The following SLIT2 variants were observed in gnomAD, a reference collection of about 807,000 sequenced individuals.
The protein encoded by SLIT2 is slit homolog 2 protein.
A neutral mutation model predicts 185.7 loss-of-function variants in SLIT2; 41 were observed. The observed-to-expected ratio is 0.22, with a 90% confidence interval of 0.17 to 0.29. The LOEUF (loss-of-function observed/expected upper bound fraction) is 0.29, where lower values mean the gene tolerates loss of function less well. SLIT2 is among the 10% of genes least tolerant of loss of function. The pLI is 1.00. For synonymous variants in SLIT2, 693 were observed against 680.2 expected (o/e 1.02, Z -0.29); for missense variants, 1,571 against 1,909.0 (o/e 0.82, Z 3.30).
Position 20,323,763 on chromosome 4 carries a change from G to T in SLIT2, c.395+54882G>T, listed in dbSNP as rs75680802. On this transcript the variant is annotated intron_variant, in intron 4 of 36. Coordinates refer to ENST00000504154, the MANE Select transcript of SLIT2 (RefSeq NM_004787.4). ...CTGGCATAGGAAAAAACAGAAACTT[G>T]TATAAGCTAAATCAAGTTATGTCAC... Among the ~76,000 whole-genome samples the T allele has an allele frequency of 5.0e-3, 760 of 152,222 alleles. 6 individuals carry two copies. Among genetic ancestry groups the T allele is most frequent in the African/African-American group, 0.017 (721 of 41,530 alleles).
intron 4 of SLIT2, among the ~76,000 whole-genome samples, chr4:20,334,996 C>A (rs1720376379): frequency 6.6e-6 from 1 of 152,124 alleles, no homozygotes. Flanking sequence ...AGTGTCATCA[C>A]CAGTTAAATA....
intron 3 of SLIT2, 100 bp downstream of exon 3, chr4:20,258,039 GA>G: frequency 1.7e-6 from 1 of 603,784 alleles, no homozygotes; most frequent in Non-Finnish European, 2.9e-6. Flanking sequence ...CTTAGGGTTT[GA>G]AATTTTGCAG....
chr4:20,284,538 C>T (rs1365591468), intron 4 of SLIT2, among the ~76,000 whole-genome samples: 1 of 152,176 alleles, frequency 6.6e-6, no homozygotes, highest in Admixed American at 6.5e-5. Flanking sequence ...AAGCGAAAGA[C>T]AGCATGTGAA....
chr4:20,597,739 C>T (rs3775832), intron 32 of SLIT2, among the ~76,000 whole-genome samples: 54,356 of 151,996 alleles, frequency 0.36, 10,304 homozygotes, highest in East Asian at 0.76. Context: ...CCAGTGTTTG[C>T]CCCACCAAAT....
chr4:20,600,539 C>T (rs1000127615), intron 33 of SLIT2, among the ~76,000 whole-genome samples: 1 of 150,382 alleles, frequency 6.6e-6, no homozygotes, highest in African/African-American at 2.5e-5. Context: ...TCTCCTGCCT[C>T]GGCCTCCCAA....
chr4:20,588,672 A>G (rs1357804976), intron 29 of SLIT2, among the ~76,000 whole-genome samples: 1 of 152,196 alleles, frequency 6.6e-6, no homozygotes, highest in Non-Finnish European at 1.5e-5. Flanking sequence ...TTATGCCACA[A>G]TTGGGAAAGT....
intron 3 of SLIT2, among the ~76,000 whole-genome samples, chr4:20,261,765 G>A (rs1338580961): frequency 1.3e-5 from 2 of 151,848 alleles, no homozygotes; most frequent in East Asian, 1.9e-4. Flanking sequence ...AGAATCAGTA[G>A]CATACTGTGA....
rs1289354724 is a variant in SLIT2, at chr4:20,484,903, T to C, written c.540-1297T>C. ...TCACATTCCCCAAATGTCTGCTTTCTTCCATCTCTCTTGCCCATCATTGTA... is the reference window on the plus strand; with the variant it reads ...TCACATTCCCCAAATGTCTGCTTTCCTCCATCTCTCTTGCCCATCATTGTA... On this transcript the variant is annotated intron_variant, in intron 6 of 36. Transcript: ENST00000504154. The surrounding 1 kb of genome is among the most constrained non-coding windows in gnomAD (Gnocchi z 4.3). Among the ~76,000 whole-genome samples, 3 of 152,120 alleles carry C rather than the reference T, an allele frequency of 2.0e-5. No homozygotes were observed. The highest frequency in any genetic ancestry group is 1.3e-4 in the Admixed American group (2 of 15,260).
At position 20,524,056 on chromosome 4, in the gene SLIT2, G is replaced by C. The variant is rs1420712807; in HGVS notation, c.1317G>C (p.Lys439Asn). The C allele has an allele frequency of 1.9e-6, 3 of 1,614,176 alleles. No individual in the cohort carries two copies. The highest frequency in any genetic ancestry group is 2.5e-6 in the Non-Finnish European group (3 of 1,180,034). ...QNPFICDCHL[K>N]WLADYLHTNP... is the part of the protein sequence containing the mutation. ...CCTTTATTTGTGACTGCCATCTCAA[G>C]TGGCTAGCGGATTATCTCCATACCA... Residue 439 changes from lysine (K) to asparagine (N), a missense_variant, in exon 14 of 37, where the codon AAG (lysine) becomes AAC (asparagine). Physicochemically the swap from Lys to Asn is moderately conservative, Grantham distance 94. Transcript: ENST00000504154.
rs1716982131 is a variant in SLIT2, at chr4:20,484,205, G to A, written c.540-1995G>A. Among the ~76,000 whole-genome samples the A allele has an allele frequency of 6.6e-6, 1 of 152,036 alleles. No homozygotes were observed. Among genetic ancestry groups the A allele is most frequent in the Admixed American group, 6.6e-5 (1 of 15,238 alleles). ...AATTTATTCCCAAAGTCATATTTCA[G>A]AATGCTATATACTATAAAGATTTTA... On this transcript the variant is annotated intron_variant, in intron 6 of 36. Coordinates refer to ENST00000504154, the MANE Select transcript of SLIT2 (RefSeq NM_004787.4). The surrounding 1 kb of genome is among the most constrained non-coding windows in gnomAD (Gnocchi z 4.3).
At chr4:20,474,637 GTCT>G (rs1055499071) in intron 5 of SLIT2, among the ~76,000 whole-genome samples, 3 of 152,114 alleles carry the variant, frequency 2.0e-5, no homozygotes, top group African/African-American at 7.2e-5. Flanking sequence ...TGGCTGCTGT[GTCT>G]TCTTATGATA....
rs1301269296 is a variant in SLIT2, at chr4:20,567,588, T to C, written c.2921T>C (p.Leu974Ser). 1 of 1,612,994 alleles carries C rather than the reference T, an allele frequency of 6.2e-7. No homozygotes were observed. The highest frequency in any genetic ancestry group is 8.5e-7 in the Non-Finnish European group (1 of 1,179,306). Reference protein sequence around the residue: ...NPCKHGGTCHLKEGEEDGFWC... With the variant: ...NPCKHGGTCHSKEGEEDGFWC... Reference sequence around the variant, plus strand: ...TGTAAACATGGAGGAACTTGCCACTTAAAGGAAGGAGAAGAAGATGGATTC... The same window carrying C: ...TGTAAACATGGAGGAACTTGCCACTCAAAGGAAGGAGAAGAAGATGGATTC... Residue 974 changes from leucine to serine, a missense_variant, in exon 28 of 37, where the codon TTA becomes TCA. By Grantham distance (145) the Leu-to-Ser change is moderately radical. Around this residue, in one of 3 missense-constraint regions of SLIT2, gnomAD observed 1,202 missense variants for 1,416.4 expected, o/e 0.85. Coordinates refer to ENST00000504154, the MANE Select transcript of SLIT2 (RefSeq NM_004787.4).
At chr4:20,458,033 C>G (rs1444563090) in intron 4 of SLIT2, among the ~76,000 whole-genome samples, 2 of 149,144 alleles carry the variant, frequency 1.3e-5, no homozygotes, top group Non-Finnish European at 3.0e-5. Context: ...TGGAATGGAG[C>G]CAAGGATTTC....
At chr4:20,280,631 C>T (rs1030556222) in intron 4 of SLIT2, among the ~76,000 whole-genome samples, 5 of 151,972 alleles carry the variant, frequency 3.3e-5, no homozygotes, top group Admixed American at 1.3e-4. Context: ...GATGTGTTCT[C>T]TCTGTTTTTC....
chr4:20,533,757 T>C, intron 18 of SLIT2, 42 bp downstream of exon 18: 1 of 1,562,654 alleles, frequency 6.4e-7, no homozygotes, highest in Non-Finnish European at 8.7e-7. Flanking sequence ...TACCAAAGGA[T>C]TGCAGCTCAT....
intron 4 of SLIT2, among the ~76,000 whole-genome samples, chr4:20,440,384 A>T (rs1729657345): frequency 6.6e-6 from 1 of 152,186 alleles, no homozygotes; most frequent in East Asian, 1.9e-4. Context: ...CTCAAAGAAG[A>T]TATATGGTCT....
At chr4:20,258,077 C>G in intron 3 of SLIT2, 138 bp downstream of exon 3, 1 of 527,652 alleles carries the variant, frequency 1.9e-6, no homozygotes, top group East Asian at 3.0e-5. Context: ...GAGTGGTTTT[C>G]AGGTTAATTT....
At chr4:20,541,659 AC>A in intron 20 of SLIT2, 40 bp downstream of exon 20, 1 of 1,529,618 alleles carries the variant, frequency 6.5e-7, no homozygotes, top group Non-Finnish European at 9.1e-7. Flanking sequence ...TCAGGCATTC[AC>A]ATGCCTGTTC....
At chr4:20,327,920 G>A (rs1240226952) in intron 4 of SLIT2, among the ~76,000 whole-genome samples, 3 of 151,968 alleles carry the variant, frequency 2.0e-5, no homozygotes, top group Non-Finnish European at 4.4e-5. Context: ...TCTAATGGCT[G>A]CATACTAATT....
Sources: gnomAD v4.1 joint callset for allele counts (sites outside exome capture counted in the v4.1 genomes callset) on GRCh38, gnomAD v4.1.1 for gene constraint, gnomAD v4.1.1 regional missense constraint, Gnocchi (gnomAD v3.1) non-coding constraint, MANE v1.5 for transcripts, NCBI Gene and HGNC (gene_info 2026-07-23, HGNC 2026-07-21) for gene names.